Variants in RXRA observed in about 807,000 individuals in gnomAD.
RXRA encodes the protein retinoid X receptor alpha.
In RXRA, 5 loss-of-function variants were observed where a neutral mutation model predicts 44.5. That is an observed-to-expected ratio of 0.11 (90% CI 0.06 to 0.24). The LOEUF (loss-of-function observed/expected upper bound fraction) is 0.24. Ranked by LOEUF, RXRA falls within the 10% of genes least tolerant of loss-of-function variation. RXRA has a pLI of 1.00. For synonymous variants in RXRA, 291 were observed against 271.4 expected (o/e 1.07, Z -0.71); for missense variants, 412 against 646.5 (o/e 0.64, Z 3.93).
rs978761381 is a variant in RXRA at position 134,438,896 on chromosome 9, C to T, written c.*2282C>T. On this transcript the variant is annotated 3_prime_UTR_variant, in exon 10 of 10. Coordinates refer to ENST00000481739, the MANE Select transcript of RXRA (RefSeq NM_002957.6). ...GCACTGAAGCCCCCCGGCCGCCAAC[C>T]CCTGAAAGCAGAACCTGGCCTCCCT... is the stretch of plus-strand genomic sequence containing the variant. 3 of 152,284 alleles carry T rather than the reference C, an allele frequency of 2.0e-5. No individual in the cohort carries two copies. Among genetic ancestry groups the T allele is most frequent in the African/African-American group, 4.8e-5 (2 of 41,464 alleles). The allele number at this position is 152,284 out of a possible 1,614,324, so 9.4% of individuals were successfully genotyped here.
intron 1 of RXRA, among the ~76,000 whole-genome samples, chr9:134,355,429 A>C (rs1046237060): frequency 6.6e-6 from 1 of 151,948 alleles, no homozygotes; most frequent in East Asian, 1.9e-4. Context: ...GAGGGTGAAC[A>C]GAGATGAAGC....
At chr9:134,362,595 TC>T (rs1269759400) in intron 1 of RXRA, among the ~76,000 whole-genome samples, 2 of 152,318 alleles carry the variant, frequency 1.3e-5, no homozygotes, top group South Asian at 2.1e-4. Context: ...ATGATGGTGT[TC>T]CAGGGAGCAG....
chr9:134,414,126 A>G (rs947544000), intron 4 of RXRA, among the ~76,000 whole-genome samples: 1 of 152,250 alleles, frequency 6.6e-6, no homozygotes, highest in Non-Finnish European at 1.5e-5. Flanking sequence ...AAATAAAGCG[A>G]TCATATTTAT....
At chr9:134,368,695 ATGTG>A (rs1830446416) in intron 1 of RXRA, among the ~76,000 whole-genome samples, 1 of 148,004 alleles carries the variant, frequency 6.8e-6, no homozygotes, top group Admixed American at 6.7e-5. Context: ...GTATACGTGA[ATGTG>A]TGTGGATGTA....
intron 6 of RXRA, chr9:134,427,098 C>A (rs1258894838): frequency 1.0e-6 from 1 of 983,418 alleles, no homozygotes; most frequent in Non-Finnish European, 1.2e-6. Context: ...ACCCACATGT[C>A]AGATTGAGGG....
Position 134,432,000 on chromosome 9 carries a change from T to C in RXRA, c.1135+4T>C, listed in dbSNP as rs374046872. On this transcript the variant is annotated splice_donor_region_variant and intron_variant, in intron 8 of 9. Coordinates refer to ENST00000481739, the MANE Select transcript of RXRA (RefSeq NM_002957.6). ...GCCATCGTCCTCTTTAACCCTGGTA[T>C]GGCCTTCCTGCCTTGAGGCTTCTGG... 3 of 1,611,148 alleles carry C rather than the reference T, an allele frequency of 1.9e-6. No homozygotes were observed. The highest frequency in any genetic ancestry group is 2.2e-5 in the East Asian group (1 of 44,814).
rs757616535 is a variant in RXRA at position 134,436,431 on chromosome 9, C to G, written c.1242-36C>G. 3 of 1,609,004 alleles carry G rather than the reference C, an allele frequency of 1.9e-6. No homozygotes were observed. The African/African-American group carries it at 4.0e-5, about 21-fold the overall frequency. ...AGTGCCAGGGCAGAACTGCCCATGC[C>G]CCTTGCCCGGCCCTCACCAGACCTG... On this transcript the variant is annotated intron_variant, in intron 9 of 9. Transcript: ENST00000481739.
At chr9:134,392,931 C>T (rs1050449313) in intron 1 of RXRA, among the ~76,000 whole-genome samples, 44 of 151,938 alleles carry the variant, frequency 2.9e-4, no homozygotes, top group African/African-American at 7.7e-4. Flanking sequence ...AGTCACTGGC[C>T]GGTCATTGCC....
At chr9:134,371,132 C>T (rs1206379132) in intron 1 of RXRA, among the ~76,000 whole-genome samples, 1 of 152,176 alleles carries the variant, frequency 6.6e-6, no homozygotes, top group Admixed American at 6.5e-5. Flanking sequence ...GAAGCTGATC[C>T]TGCTTCCCCA....
chr9:134,348,010 G>A (rs1473300621), intron 1 of RXRA, among the ~76,000 whole-genome samples: 2 of 152,140 alleles, frequency 1.3e-5, no homozygotes, highest in African/African-American at 4.8e-5. Flanking sequence ...GGCCATGGCT[G>A]TGGGGATGGA....
At chr9:134,411,952 A>G (rs950447433) in intron 4 of RXRA, among the ~76,000 whole-genome samples, 9 of 152,238 alleles carry the variant, frequency 5.9e-5, no homozygotes, top group African/African-American at 1.7e-4. Flanking sequence ...CTCGCCCTGC[A>G]GGGACCCCAC....
intron 5 of RXRA, among the ~76,000 whole-genome samples, chr9:134,421,293 C>T (rs1831326035): frequency 6.6e-6 from 1 of 152,194 alleles, no homozygotes; most frequent in Admixed American, 6.5e-5. Flanking sequence ...CTGCTTCTGG[C>T]ACATTCCTTG....
At chr9:134,416,848 C>T (rs541772505) in intron 4 of RXRA, among the ~76,000 whole-genome samples, 82 of 152,304 alleles carry the variant, frequency 5.4e-4, no homozygotes, top group Non-Finnish European at 1.0e-3. Flanking sequence ...TCCCTGAGTC[C>T]ATAGACCGTC....
chr9:134,363,493 G>A (rs1345941406), intron 1 of RXRA, among the ~76,000 whole-genome samples: 1 of 152,256 alleles, frequency 6.6e-6, no homozygotes, highest in African/African-American at 2.4e-5. Context: ...CCTGGGTACC[G>A]TGCCCCTCCT....
At chr9:134,406,102 T>C (rs1430478545) in intron 2 of RXRA, 1 of 152,268 alleles carries the variant, frequency 6.6e-6, no homozygotes, top group Non-Finnish European at 1.5e-5. Flanking sequence ...TAATCAGCTC[T>C]TAGAGGCACT....
At chr9:134,389,631 G>A (rs1830771474) in intron 1 of RXRA, among the ~76,000 whole-genome samples, 1 of 152,194 alleles carries the variant, frequency 6.6e-6, no homozygotes. Context: ...GGAGGGGACA[G>A]TGGTGGAGAG....
At position 134,401,851 on chromosome 9, in the gene RXRA, C is replaced by G. The variant is rs1296710346; in HGVS notation, c.248C>G (p.Pro83Arg). 1 of 1,611,426 alleles carries G rather than the reference C, an allele frequency of 6.2e-7. No individual in the cohort carries two copies. The highest frequency in any genetic ancestry group is 8.5e-7 in the Non-Finnish European group (1 of 1,178,862). ...GPHSMSVPTT[P>R]TLGFSTGSPQ... ...CACTCCATGTCGGTGCCCACCACAC[C>G]CACCCTGGGCTTCAGCACTGGCAGC... The change falls in exon 2 of 10, where the codon CCC (proline) becomes CGC (arginine). Residue 83 changes from proline to arginine, a missense_variant. By Grantham distance (103) the Pro-to-Arg change is moderately radical (BLOSUM62 -2). Around this residue, in one of 4 missense-constraint regions of RXRA, gnomAD observed 156 missense variants for 177.2 expected, o/e 0.88. Coordinates refer to ENST00000481739, the MANE Select transcript of RXRA (RefSeq NM_002957.6).
chr9:134,394,618 C>T (rs2119128759), intron 1 of RXRA, among the ~76,000 whole-genome samples: 1 of 152,292 alleles, frequency 6.6e-6, no homozygotes, highest in East Asian at 1.9e-4. Flanking sequence ...TTTGGATCCC[C>T]TGCGGACTGA....
intron 1 of RXRA, among the ~76,000 whole-genome samples, chr9:134,351,494 A>G (rs1214477708): frequency 2.6e-5 from 4 of 152,208 alleles, no homozygotes. Context: ...GGGGAGCCCC[A>G]ATAGGGCAGG....
Sources: allele counts gnomAD v4.1 joint callset (sites outside exome capture counted in the v4.1 genomes callset), GRCh38; gene constraint gnomAD v4.1.1; regional missense constraint gnomAD v4.1.1; transcripts MANE v1.5; gene names NCBI Gene and HGNC (gene_info 2026-07-23, HGNC 2026-07-21).